CSMD1: variants seen among roughly 807,000 people sequenced by gnomAD.
CSMD1 encodes the protein CUB and Sushi multiple domains 1, also known as CUB and sushi domain-containing protein 1.
In CSMD1, 213 loss-of-function variants were observed where a neutral mutation model predicts 417.5. The observed-to-expected ratio is 0.51, with a 90% CI of 0.46 to 0.57. The LOEUF (loss-of-function observed/expected upper bound fraction) is 0.57, where lower values mean the gene tolerates loss of function less well. CSMD1 is among the 20% of genes least tolerant of loss of function. CSMD1 has a pLI of 0.00. For missense variants in CSMD1, 6,923 were observed against 4,529.7 expected, an observed-to-expected ratio of 1.53 and a Z score of -15.17; for synonymous variants, 2,862 against 1,736.8, an observed-to-expected ratio of 1.65 and a Z score of -16.11.
chr8:3,471,524 C>T (rs1175351335), intron 11 of CSMD1, among the ~76,000 whole-genome samples: 8 of 150,638 alleles, frequency 5.3e-5, no homozygotes, highest in South Asian at 2.1e-4. Flanking sequence ...TTCCTTCCTT[C>T]GTTCCTTCCT....
At chr8:3,907,180 G>T (rs778792711) in intron 5 of CSMD1, among the ~76,000 whole-genome samples, 3 of 152,122 alleles carry the variant, frequency 2.0e-5, no homozygotes, top group African/African-American at 7.2e-5. Context: ...ACACACGCAT[G>T]TTACCTGAAT....
At chr8:3,389,278 C>T (rs559627573) in intron 17 of CSMD1, among the ~76,000 whole-genome samples, 4 of 152,244 alleles carry the variant, frequency 2.6e-5, no homozygotes, top group Admixed American at 6.5e-5. Context: ...TACCCTCAAC[C>T]CTCTGATAGG....
At chr8:3,822,167 C>A (rs1801772264) in intron 5 of CSMD1, among the ~76,000 whole-genome samples, 1 of 152,102 alleles carries the variant, frequency 6.6e-6, no homozygotes, top group Admixed American at 6.5e-5. Context: ...TGAGCCAACC[C>A]TTGAATCGTT....
intron 1 of CSMD1, among the ~76,000 whole-genome samples, chr8:4,760,300 T>C (rs908861001): frequency 4.6e-5 from 7 of 152,202 alleles, no homozygotes; most frequent in African/African-American, 1.7e-4. Context: ...TGAAGATAAT[T>C]CTTCTAATCC....
chr8:3,913,753 G>A (rs141899028), intron 5 of CSMD1, among the ~76,000 whole-genome samples: 6 of 152,252 alleles, frequency 3.9e-5, no homozygotes, highest in African/African-American at 1.2e-4. Flanking sequence ...TGGGTCACAG[G>A]ATGAGTTCTT....
At chr8:3,096,480 C>A (rs1033076505) in intron 47 of CSMD1, among the ~76,000 whole-genome samples, 1 of 152,164 alleles carries the variant, frequency 6.6e-6, no homozygotes, top group African/African-American at 2.4e-5. Flanking sequence ...CTCTCTCTGT[C>A]TCTCATGCCT....
intron 3 of CSMD1, among the ~76,000 whole-genome samples, chr8:4,260,803 GA>G (rs1475658157): frequency 6.6e-6 from 1 of 152,044 alleles, no homozygotes; most frequent in African/African-American, 2.4e-5. Context: ...ACCTCTCCTG[GA>G]AAATTATTAT....
At chr8:3,973,554 T>C (rs1367054172) in intron 5 of CSMD1, among the ~76,000 whole-genome samples, 2 of 152,194 alleles carry the variant, frequency 1.3e-5, no homozygotes, top group Non-Finnish European at 2.9e-5. Flanking sequence ...AACAAAATTC[T>C]TTCTTGTCAT....
chr8:3,612,783 T>A (rs1439680781), intron 8 of CSMD1, among the ~76,000 whole-genome samples: 1 of 152,054 alleles, frequency 6.6e-6, no homozygotes, highest in African/African-American at 2.4e-5. Flanking sequence ...AAGCATTACT[T>A]AGAGGAAAAT....
chr8:3,781,367 G>C (rs1449480771), intron 5 of CSMD1, among the ~76,000 whole-genome samples: 3 of 152,110 alleles, frequency 2.0e-5, no homozygotes, highest in African/African-American at 7.2e-5. Flanking sequence ...GTCAGGTCAA[G>C]CGCATTCTAT....
rs1031060829 is a variant in CSMD1 at position 3,021,106 on chromosome 8, C to A, written c.7856-2456G>T. On this transcript the variant is annotated intron_variant, in intron 51 of 69. Transcript: ENST00000635120. ...ATAACAATGAGGTCTGAGTCGAATTCTTCTTGGAGGTTTCAGCGCACCTTC... is the reference window on the plus strand; with the variant it reads ...ATAACAATGAGGTCTGAGTCGAATTATTCTTGGAGGTTTCAGCGCACCTTC... 1.5e-4 allele frequency among the ~76,000 whole-genome samples: 23 copies of A among 152,176 alleles called. 1 individual carries two copies. Among genetic ancestry groups the A allele is most frequent in the Admixed American group, 1.4e-3 (22 of 15,284 alleles).
chr8:3,696,631 C>T (rs928782858), intron 7 of CSMD1, among the ~76,000 whole-genome samples: 8 of 152,160 alleles, frequency 5.3e-5, no homozygotes, highest in African/African-American at 1.9e-4. Flanking sequence ...GAAACGTCAT[C>T]ATTATATAAC....
rs567375692 is a variant in CSMD1 at position 4,259,825 on chromosome 8, C to T, written c.415+160128G>A. On this transcript the variant is annotated intron_variant, in intron 3 of 69. Coordinates refer to ENST00000635120, the MANE Select transcript of CSMD1 (RefSeq NM_033225.6). ...TATAAAGCTATTATTTGGCACATTACTCATAATATTGTTTTGGAATTCATC... is the reference window on the plus strand; with the variant it reads ...TATAAAGCTATTATTTGGCACATTATTCATAATATTGTTTTGGAATTCATC... Among the ~76,000 whole-genome samples the T allele has an allele frequency of 2.8e-4, 42 of 152,258 alleles. No homozygotes were observed. In the South Asian group the frequency reaches 6.6e-3, roughly 24 times the overall value.
At chr8:4,045,163 G>A (rs1228968898) in intron 3 of CSMD1, among the ~76,000 whole-genome samples, 2 of 152,164 alleles carry the variant, frequency 1.3e-5, no homozygotes, top group Non-Finnish European at 2.9e-5. Context: ...CGCAGTCGTG[G>A]GCTGGGGTAC....
At chr8:3,702,367 T>C (rs1800918841) in intron 7 of CSMD1, 1 of 152,190 alleles carries the variant, frequency 6.6e-6, no homozygotes, top group Non-Finnish European at 1.5e-5. Context: ...TAACAACCAA[T>C]GTTTTGTTTA....
intron 3 of CSMD1, among the ~76,000 whole-genome samples, chr8:4,342,891 C>A (rs759209381): frequency 6.6e-6 from 1 of 151,996 alleles, no homozygotes; most frequent in Non-Finnish European, 1.5e-5. Flanking sequence ...TCAGGAGAAG[C>A]AAAGGACTTA....
At chr8:4,637,796 G>A (rs561108074) in intron 1 of CSMD1, among the ~76,000 whole-genome samples, 73 of 151,582 alleles carry the variant, frequency 4.8e-4, no homozygotes, top group African/African-American at 1.5e-3. Context: ...TCAGCCTCCC[G>A]AGTAGGTGGG....
intron 1 of CSMD1, among the ~76,000 whole-genome samples, chr8:4,857,278 A>T (rs10100984): frequency 0.016 from 2,219 of 140,312 alleles, 72 homozygotes; most frequent in African/African-American, 0.056. Context: ...TGTGTAGAGG[A>T]AAATTTATAG....
At chr8:4,004,239 T>C (rs1051518349) in intron 4 of CSMD1, among the ~76,000 whole-genome samples, 1 of 152,094 alleles carries the variant, frequency 6.6e-6, no homozygotes, top group Admixed American at 6.5e-5. Context: ...TGTCAAGAAA[T>C]AGTTTAACAT....
Sources: gnomAD v4.1 joint callset for allele counts (sites outside exome capture counted in the v4.1 genomes callset) on GRCh38, gnomAD v4.1.1 for gene constraint, MANE v1.5 for transcripts, NCBI Gene and HGNC (gene_info 2026-07-23, HGNC 2026-07-21) for gene names.